The following POLR3D variants were observed in gnomAD, a reference collection of about 807,000 sequenced individuals.
POLR3D encodes the protein DNA-directed RNA polymerase III subunit RPC4.
POLR3D carries 42 observed loss-of-function variants against 44.5 expected under a neutral mutation model. The observed-to-expected ratio is 0.94, with a 90% CI of 0.74 to 1.22. POLR3D has a LOEUF of 1.22. Ranked by LOEUF, POLR3D falls within the 50% of genes most tolerant of loss-of-function variation. The pLI is 0.00. For missense variants in POLR3D, 507 were observed against 505.2 expected, an observed-to-expected ratio of 1.00 and a Z score of -0.03; for synonymous variants, 217 against 198.1, an observed-to-expected ratio of 1.10 and a Z score of -0.80.
At position 22,248,259 on chromosome 8, in the gene POLR3D, G is replaced by A. The variant is rs779739032; in HGVS notation, c.467G>A (p.Arg156His). 1.7e-5 allele frequency: 28 copies of A among 1,613,998 alleles called. No homozygotes were observed. The highest frequency in any genetic ancestry group is 5.3e-5 in the African/African-American group (4 of 74,924). Residue 156 changes from arginine to histidine, a missense_variant, in exon 5 of 9, where the codon CGT becomes CAT. Arg to His is a conservative substitution (Grantham distance 29, BLOSUM62 0). Coordinates refer to ENST00000306433, the MANE Select transcript of POLR3D (RefSeq NM_001722.3). ...GACGAAGAAACTAAACAGATCTTGC[G>A]TATGCTGGAGAAGGACGATGTGGGT... ...ETDEETKQIL[R>H]MLEKDDFLDD...
rs1830072949 is a variant in POLR3D at position 22,249,093 on chromosome 8, TCCCAAAG to T, written c.707_713del (p.Pro236GlnfsTer18). 1 of 1,613,636 alleles carries T rather than the reference TCCCAAAG, an allele frequency of 6.2e-7. No individual in the cohort carries two copies. Among genetic ancestry groups the T allele is most frequent in the African/African-American group, 1.3e-5 (1 of 74,788 alleles). ...AGGAAGAGGCCAAGATGAAGGCTCC[TCCCAAAG>T]CAGCCAGGAAGACTCCAGGCCTCCC... On this transcript the variant is annotated frameshift_variant, in exon 7 of 9. Coordinates refer to ENST00000306433, the MANE Select transcript of POLR3D (RefSeq NM_001722.3). LOFTEE classifies it high-confidence loss of function.
At chr8:22,249,970 A>T in intron 7 of POLR3D, 105 bp from the exon 8 acceptor site, 1 of 1,325,362 alleles carries the variant, frequency 7.5e-7, no homozygotes. Context: ...TGGGGAGCTC[A>T]TTTTGACCTT....
rs1385908033 is a variant in POLR3D, at chr8:22,251,989, A to C, written c.*1471A>C. 2.6e-5 allele frequency: 4 copies of C among 153,472 alleles called. No individual in the cohort carries two copies. Among genetic ancestry groups the C allele is most frequent in the African/African-American group, 9.7e-5 (4 of 41,402 alleles). The allele number at this position is 153,472 out of a possible 1,614,324, so 9.5% of individuals were successfully genotyped here. On this transcript the variant is annotated 3_prime_UTR_variant, in exon 9 of 9. Coordinates refer to ENST00000306433, the MANE Select transcript of POLR3D (RefSeq NM_001722.3). ...TAGTGGCCCCTTAGATTTTGGGTAC[A>C]TCTTCCTTCAGGCTCACCTTCCTTC...
At chr8:22,246,373 G>C (rs1192249210) in intron 2 of POLR3D, among the ~76,000 whole-genome samples, 1 of 150,076 alleles carries the variant, frequency 6.7e-6, no homozygotes, top group Admixed American at 6.6e-5. Context: ...TGATCCGCCC[G>C]CCTGCCTCGA....
At chr8:22,247,708 G>A in intron 3 of POLR3D, 149 bp from the exon 4 acceptor site, 1 of 682,512 alleles carries the variant, frequency 1.5e-6, no homozygotes, top group Non-Finnish European at 2.4e-6. Flanking sequence ...TGAGAAAAGT[G>A]CTAGAATTAG....
intron 1 of POLR3D, 62 bp downstream of exon 1, chr8:22,245,245 C>T (rs1830025583): frequency 3.7e-6 from 2 of 539,466 alleles, no homozygotes; most frequent in Non-Finnish European, 6.7e-6. Context: ...GGTTCCTGGG[C>T]GGGGTTCCTG....
At position 22,249,208 on chromosome 8, in the gene POLR3D, A is replaced by G. The variant is rs1586508221; in HGVS notation, c.820A>G (p.Thr274Ala). The change falls in exon 7 of 9, where the codon ACC becomes GCC. Residue 274 changes from threonine (T) to alanine (A), a missense_variant. By Grantham distance (58) the Thr-to-Ala change is moderately conservative. Coordinates refer to ENST00000306433, the MANE Select transcript of POLR3D (RefSeq NM_001722.3). The stretch of plus-strand genomic sequence containing the variant: ...ACTGCTGTTTCTGCAGCTGCCAGAC[A>G]CCCTCCCTGGCCAGCCACCCACCCA... ...EELLFLQLPDTLPGQPPTQDI... is the reference protein window; with the variant it reads ...EELLFLQLPDALPGQPPTQDI... 1.2e-6 allele frequency: 2 copies of G among 1,613,690 alleles called. No homozygotes were observed. The highest frequency in any genetic ancestry group is 1.1e-5 in the South Asian group (1 of 91,066).
At chr8:22,245,851 G>A (rs565982637) in intron 2 of POLR3D, among the ~76,000 whole-genome samples, 2 of 152,258 alleles carry the variant, frequency 1.3e-5, no homozygotes, top group South Asian at 4.1e-4. Context: ...AGTTAAAGTC[G>A]TTCAAAAGCA....
At chr8:22,250,302 G>T in intron 8 of POLR3D, 75 bp downstream of exon 8, 2 of 1,609,440 alleles carry the variant, frequency 1.2e-6, no homozygotes, top group Non-Finnish European at 1.7e-6. Context: ...GCTAAATAAG[G>T]GAGGGGGTTT....
Position 22,245,473 on chromosome 8 carries a change from C to T in POLR3D, c.24C>T (p.Gly8=), listed in dbSNP as rs368686930. 6.1e-6 allele frequency: 8 copies of T among 1,308,760 alleles called. No homozygotes were observed. The African/African-American group carries it at 7.5e-5, about 12-fold the overall frequency. 81.1% of individuals were successfully genotyped at this position (1,308,760 alleles called of 1,614,324 possible). MSEGNAA[G]EPSTPGGPRP... ...ACATGTCGGAAGGAAACGCCGCCGGCGAGCCCAGCACGCCGGGAGGGCCCC... is the reference window on the plus strand; with the variant it reads ...ACATGTCGGAAGGAAACGCCGCCGGTGAGCCCAGCACGCCGGGAGGGCCCC... Residue 8 remains glycine, a synonymous_variant, in exon 2 of 9, where the codon GGC becomes GGT. Coordinates refer to ENST00000306433, the MANE Select transcript of POLR3D (RefSeq NM_001722.3).
Position 22,250,426 on chromosome 8 carries a change from A to T in POLR3D, c.1105A>T (p.Arg369Trp). 1 of 1,614,188 alleles carries T rather than the reference A, an allele frequency of 6.2e-7. No individual in the cohort carries two copies. Among genetic ancestry groups the T allele is most frequent in the Admixed American group, 1.7e-5 (1 of 60,026 alleles). ...ELVSVGLGDS[R>W]TGEMTVLGHV... ...GGTGTCCGTGGGCCTTGGAGACAGT[A>T]GGACAGGGGAGATGACAGTCCTGGG... is the stretch of plus-strand genomic sequence containing the variant. Residue 369 changes from arginine (R) to tryptophan (W), a missense_variant, in exon 9 of 9, where the codon AGG becomes TGG. By Grantham distance (101) the Arg-to-Trp change is moderately radical. Transcript: ENST00000306433.
chr8:22,247,848 T>G lies in POLR3D; in HGVS notation c.210-9T>G. On this transcript the variant is annotated splice_polypyrimidine_tract_variant and intron_variant, in intron 3 of 8. Coordinates refer to ENST00000306433, the MANE Select transcript of POLR3D (RefSeq NM_001722.3). ...TGAGTGGTTTCCCTTAATCCATTCTTTTTTCCAGGCCCAAGGAAGAAGTAA... is the reference window on the plus strand; with the variant it reads ...TGAGTGGTTTCCCTTAATCCATTCTGTTTTCCAGGCCCAAGGAAGAAGTAA... 6.2e-7 allele frequency: 1 copy of G among 1,612,212 alleles called. No homozygotes were observed. Among genetic ancestry groups the G allele is most frequent in the Non-Finnish European group, 8.5e-7 (1 of 1,179,036 alleles).
At chr8:22,248,703 C>A in intron 6 of POLR3D, 54 bp downstream of exon 6, 1 of 1,537,600 alleles carries the variant, frequency 6.5e-7, no homozygotes, top group Non-Finnish European at 8.9e-7. Flanking sequence ...CCCCAGGAAT[C>A]CCGTGCATCA....
chr8:22,251,810 G>T lies in POLR3D; in HGVS notation c.*1292G>T, dbSNP rs1186114075. Reference sequence around the variant, plus strand: ...GGTTCAGCTGGGGAGACGTTTGCAGGTTAGAAAAAGGTCTCATGCGGCAGC... The same window carrying T: ...GGTTCAGCTGGGGAGACGTTTGCAGTTTAGAAAAAGGTCTCATGCGGCAGC... On this transcript the variant is annotated 3_prime_UTR_variant, in exon 9 of 9. Transcript: ENST00000306433. 6.6e-6 allele frequency: 1 copy of T among 152,298 alleles called. No homozygotes were observed. The highest frequency in any genetic ancestry group is 1.5e-5 in the Non-Finnish European group (1 of 68,100). The allele number at this position is 152,298 out of a possible 1,614,324, so 9.4% of individuals were successfully genotyped here.
At chr8:22,247,123 C>T in intron 2 of POLR3D, 98 bp from the exon 3 acceptor site, 1 of 817,920 alleles carries the variant, frequency 1.2e-6, no homozygotes, top group Admixed American at 2.1e-5. Flanking sequence ...GCCGTGGTGG[C>T]CTTGGTCTGT....
chr8:22,250,872 AGCGT>A lies in POLR3D; in HGVS notation c.*356_*359del, dbSNP rs1830099630. On this transcript the variant is annotated 3_prime_UTR_variant, in exon 9 of 9. Coordinates refer to ENST00000306433, the MANE Select transcript of POLR3D (RefSeq NM_001722.3). ...TGCCTGCTGGGTTGCAGGGGCAGGA[AGCGT>A]GTGGACTGCAGCTTCTGCTGGTGCT... The A allele has an allele frequency of 3.3e-6, 1 of 299,828 alleles. No homozygotes were observed. 18.6% of individuals were successfully genotyped at this position (299,828 alleles called of 1,614,324 possible).
At chr8:22,246,009 C>T (rs1167139566) in intron 2 of POLR3D, among the ~76,000 whole-genome samples, 2 of 152,150 alleles carry the variant, frequency 1.3e-5, no homozygotes, top group East Asian at 3.8e-4. Flanking sequence ...TATGATGAAT[C>T]CTAGGTATGG....
Position 22,253,009 on chromosome 8 carries a change from G to T in POLR3D, c.*2491G>T, listed in dbSNP as rs1463329786. 1.3e-5 allele frequency: 2 copies of T among 152,120 alleles called. No homozygotes were observed. The highest frequency in any genetic ancestry group is 2.9e-5 in the Non-Finnish European group (2 of 68,024). The allele number at this position is 152,120 out of a possible 1,614,324, so 9.4% of individuals were successfully genotyped here. On this transcript the variant is annotated 3_prime_UTR_variant, in exon 9 of 9. Transcript: ENST00000306433. ...TAGAGTGAACATGAGGCATTTATTC[G>T]GTGCCAGACAGATAACTGCCTATAA...
At position 22,246,810 on chromosome 8, in the gene POLR3D, T is replaced by C. The variant is rs149258583; in HGVS notation, c.166-411T>C. 4.2e-3 allele frequency among the ~76,000 whole-genome samples: 645 copies of C among 152,354 alleles called. 2 individuals are homozygous for C. Among genetic ancestry groups the C allele is most frequent in the Middle Eastern group, 0.01 (3 of 294 alleles). The stretch of plus-strand genomic sequence containing the variant: ...GTGGTGACAGTCCATAGTCACCTGA[T>C]TGAAAGTGTTGGCAGATCTATGGCC... On this transcript the variant is annotated intron_variant, in intron 2 of 8. Coordinates refer to ENST00000306433, the MANE Select transcript of POLR3D (RefSeq NM_001722.3).
Sources: allele counts gnomAD v4.1 joint callset (sites outside exome capture counted in the v4.1 genomes callset), GRCh38; gene constraint gnomAD v4.1.1; transcripts MANE v1.5; gene names NCBI Gene and HGNC (gene_info 2026-07-23, HGNC 2026-07-21).